RYR1: variants seen among roughly 807,000 people sequenced by gnomAD.
RYR1 encodes the protein ryanodine receptor 1, also known as central core disease of muscle.
RYR1 carries 342 observed loss-of-function variants against 583.5 expected under a neutral mutation model. The observed-to-expected ratio is 0.59, with a 90% CI of 0.54 to 0.64. The LOEUF (loss-of-function observed/expected upper bound fraction) is 0.64. RYR1 is among the 30% of genes least tolerant of loss of function. The pLI is 0.00. For synonymous variants in RYR1, 2,791 were observed against 2,822.5 expected, an observed-to-expected ratio of 0.99 and a Z score of 0.35; for missense variants, 6,032 against 6,917.2, an observed-to-expected ratio of 0.87 and a Z score of 4.54.
At chr19:38,559,449 G>A in intron 89 of RYR1, among the ~76,000 whole-genome samples, 1 of 151,868 alleles carries the variant, frequency 6.6e-6, no homozygotes, top group Non-Finnish European at 1.5e-5. Context: ...GTCCAGGCTG[G>A]TCTCGAACTC....
intron 63 of RYR1, among the ~76,000 whole-genome samples, chr19:38,514,326 G>A (rs1970859986): frequency 6.6e-6 from 1 of 150,584 alleles, no homozygotes; most frequent in South Asian, 2.1e-4. Flanking sequence ...TGTCACCCAG[G>A]CTGGAGTGCA....
intron 34 of RYR1, 64 bp downstream of exon 34, chr19:38,486,266 T>TA: frequency 6.3e-7 from 1 of 1,599,372 alleles, no homozygotes; most frequent in East Asian, 2.2e-5. Context: ...ACTCCAGAGA[T>TA]ACATGCATCA....
In RYR1 at chr19:38,473,596, C is replaced by A; in HGVS notation, c.3985C>A (p.Pro1329Thr). Residue 1329 changes from proline (P) to threonine (T), a missense_variant, in exon 28 of 106, where the codon CCT (proline) becomes ACT (threonine). This residue lies in a region of RYR1 where 2,627 missense variants were observed against 2,961.3 expected (regional missense o/e 0.89). Transcript: ENST00000359596. ...CGAGGCCCGGGCGGCGGAACCCGAC[C>A]CTGACTACGAAAACCTGCGCCGCTC... ...EDEARAAEPD[P>T]DYENLRRSAG... The A allele has an allele frequency of 6.3e-7, 1 of 1,581,326 alleles. No individual in the cohort carries two copies. Among genetic ancestry groups the A allele is most frequent in the Non-Finnish European group, 8.6e-7 (1 of 1,163,988 alleles).
intron 34 of RYR1, among the ~76,000 whole-genome samples, 181 bp downstream of exon 34, chr19:38,486,383 G>C (rs184522769): frequency 6.6e-6 from 1 of 151,416 alleles, no homozygotes; most frequent in African/African-American, 2.4e-5. Context: ...TCTCACTGTC[G>C]CCCAGGCTGG....
chr19:38,513,100 G>A (rs1199118017), intron 63 of RYR1, among the ~76,000 whole-genome samples: 3 of 152,250 alleles, frequency 2.0e-5, no homozygotes, highest in Non-Finnish European at 4.4e-5. Context: ...CACTTTGGGA[G>A]GCCAAGGCGG....
chr19:38,551,069 C>T (rs1393680060), intron 89 of RYR1, among the ~76,000 whole-genome samples: 1 of 34,474 alleles, frequency 2.9e-5, no homozygotes, highest in African/African-American at 8.7e-5. Flanking sequence ...TTTTTTGAGA[C>T]GGAGTTTTGC....
rs760607196 is a variant in RYR1, at chr19:38,586,186, T to A, written c.14964T>A (p.Asn4988Lys). 3 of 1,613,478 alleles carry A rather than the reference T, an allele frequency of 1.9e-6. No homozygotes were observed. The Admixed American group carries it at 5.0e-5, about 27-fold the overall frequency. The change falls in exon 104 of 106, where the codon AAT becomes AAA. Residue 4988 changes from asparagine to lysine, a missense_variant. Asn to Lys is a moderately conservative substitution (Grantham distance 94, BLOSUM62 0). This residue lies in a region of RYR1 where 189 missense variants were observed against 350.3 expected (regional missense o/e 0.54). Transcript: ENST00000359596. ...CGCTGGAGGAGCACAACCTGGCCAA[T>A]TACATGTGAGCAGACACACTGGCCA... ...THTLEEHNLA[N>K]YMFFLMYLIN...
intron 2 of RYR1, among the ~76,000 whole-genome samples, chr19:38,441,739 G>C (rs79536730): frequency 0.056 from 8,495 of 151,330 alleles, 702 homozygotes; most frequent in African/African-American, 0.18. Context: ...GAATCTGATG[G>C]GGGGGAAGTT....
chr19:38,516,210 G>A lies in RYR1; in HGVS notation c.9678G>A (p.Glu3226=), dbSNP rs2145677653. The part of the protein sequence containing the change: ...CSVYTTKSPR[E]RAILGLPNSV... ...TGTACACCACCAAGTCTCCGCGGGA[G>A]CGGGCCAGTAAGCTGTGTGGGGCGG... The change falls in exon 65 of 106, where the codon GAG becomes GAA. Residue 3226 remains glutamate, a synonymous_variant. Transcript: ENST00000359596. 3.2e-6 allele frequency: 5 copies of A among 1,586,114 alleles called. No individual in the cohort carries two copies. Among genetic ancestry groups the A allele is most frequent in the Non-Finnish European group, 4.3e-6 (5 of 1,166,066 alleles).
rs769915556 is a variant in RYR1, at chr19:38,466,221, G to A, written c.3001G>A (p.Gly1001Ser). 2 of 1,613,426 alleles carry A rather than the reference G, an allele frequency of 1.2e-6. No individual in the cohort carries two copies. Among genetic ancestry groups the A allele is most frequent in the Non-Finnish European group, 1.7e-6 (2 of 1,179,962 alleles). ...GHNVWARDRV[G>S]QGWSYSAVQD... ...CAACGTGTGGGCCCGAGACCGCGTG[G>A]GCCAGGGCTGGAGCTACAGCGCAGT... The change falls in exon 24 of 106, where the codon GGC becomes AGC. Residue 1001 changes from glycine to serine, a missense_variant. Coordinates refer to ENST00000359596, the MANE Select transcript of RYR1 (RefSeq NM_000540.3).
intron 89 of RYR1, among the ~76,000 whole-genome samples, chr19:38,557,528 C>T (rs1344506255): frequency 3.3e-5 from 5 of 152,136 alleles, no homozygotes; most frequent in African/African-American, 7.2e-5. Context: ...TATGACTCAG[C>T]GAGGCTGTGG....
At position 38,448,791 on chromosome 19, in the gene RYR1, GGCTCGGCGT is replaced by G; in HGVS notation, c.1105_1113del (p.Gly369_Leu371del). ...GCTGCTCCAGACCCCAAGGCCCTGC[GGCTCGGCGT>G]GCTCAAGAAGAAGGTGGGTGTAATC... On this transcript the variant is annotated inframe_deletion, in exon 11 of 106. Coordinates refer to ENST00000359596, the MANE Select transcript of RYR1 (RefSeq NM_000540.3). 1.9e-6 allele frequency: 3 copies of G among 1,614,056 alleles called. No individual in the cohort carries two copies. In the African/African-American group the frequency reaches 4.0e-5, roughly 22 times the overall value.
chr19:38,453,130 TGA>T, intron 13 of RYR1, 116 bp downstream of exon 13: 1 of 1,048,122 alleles, frequency 9.5e-7, no homozygotes, highest in Non-Finnish European at 1.4e-6. Flanking sequence ...AAGTAGGGTC[TGA>T]GAAGGGGGCG....
chr19:38,519,346 A>G lies in RYR1; in HGVS notation c.10151A>G (p.Lys3384Arg). The G allele has an allele frequency of 6.2e-7, 1 of 1,612,768 alleles. No individual in the cohort carries two copies. The highest frequency in any genetic ancestry group is 2.2e-5 in the East Asian group (1 of 44,832). Residue 3384 changes from lysine to arginine, a missense_variant, in exon 67 of 106, where the codon AAG (lysine) becomes AGG (arginine). This residue lies in a region of RYR1 where 1,493 missense variants were observed against 1,715.5 expected (regional missense o/e 0.87). Coordinates refer to ENST00000359596, the MANE Select transcript of RYR1 (RefSeq NM_000540.3). ...SEEEQLRLEA[K>R]AEAQEGELLV... is the part of the protein sequence containing the mutation. ...GAGGAGCAGCTGCGCCTGGAGGCCA[A>G]GGCGGAGGCCCAGGAGGGCGAGCTG...
At chr19:38,568,862 A>G (rs186467266) in intron 93 of RYR1, among the ~76,000 whole-genome samples, 317 of 151,882 alleles carry the variant, frequency 2.1e-3, no homozygotes, top group African/African-American at 7.2e-3. Flanking sequence ...GGTGGAGAGA[A>G]AGAGGGAGAG....
At chr19:38,539,508 G>T (rs1362412902) in intron 84 of RYR1, among the ~76,000 whole-genome samples, 1 of 151,936 alleles carries the variant, frequency 6.6e-6, no homozygotes, top group Non-Finnish European at 1.5e-5. Flanking sequence ...AAAATGCTGG[G>T]ATTACAGGTG....
chr19:38,433,880 T>TCC lies in RYR1; in HGVS notation c.45+6_45+7insCC. 1 of 1,612,698 alleles carries TCC rather than the reference T, an allele frequency of 6.2e-7. No individual in the cohort carries two copies. Reference sequence around the variant, plus strand: ...AGGTCCAGTTCCTGCGGACGGTGCGTATCTCTGGGTTAGGGGCCTGTGGGG... The same window carrying TCC: ...AGGTCCAGTTCCTGCGGACGGTGCGTCCATCTCTGGGTTAGGGGCCTGTGGGG... On this transcript the variant is annotated splice_region_variant and intron_variant, in intron 1 of 105. Transcript: ENST00000359596.
chr19:38,511,983 G>A, intron 61 of RYR1, 89 bp from the exon 62 acceptor site: 1 of 1,455,648 alleles, frequency 6.9e-7, no homozygotes, highest in Middle Eastern at 1.7e-4. Flanking sequence ...GTAGCCTCAG[G>A]AAGAGAGCGG....
intron 20 of RYR1, among the ~76,000 whole-genome samples, chr19:38,461,721 GAA>G (rs34209906): frequency 5.3e-5 from 4 of 75,106 alleles, no homozygotes; most frequent in Non-Finnish European, 7.2e-5. Flanking sequence ...GCAAAACCCT[GAA>G]AAAAAAAAAA....
Sources: gnomAD v4.1 joint callset for allele counts (sites outside exome capture counted in the v4.1 genomes callset) on GRCh38, gnomAD v4.1.1 for gene constraint, gnomAD v4.1.1 regional missense constraint, MANE v1.5 for transcripts, NCBI Gene and HGNC (gene_info 2026-07-23, HGNC 2026-07-21) for gene names.